The following PLEKHM3 variants were observed in gnomAD, a reference collection of about 807,000 sequenced individuals.
The protein encoded by PLEKHM3 is pleckstrin homology domain containing M3, also known as pleckstrin homology domain-containing family M member 3.
PLEKHM3 carries 45 observed loss-of-function variants against 81.8 expected under a neutral mutation model. The observed-to-expected ratio is 0.55, with a 90% CI of 0.43 to 0.71. PLEKHM3 has a LOEUF of 0.71. Ranked by LOEUF, PLEKHM3 falls within the 30% of genes least tolerant of loss-of-function variation. The pLI, the probability that PLEKHM3 is intolerant of heterozygous loss-of-function variation, is 0.00. For missense variants in PLEKHM3, 788 were observed against 924.3 expected, an observed-to-expected ratio of 0.85 and a Z score of 1.91; for synonymous variants, 352 against 356.4, an observed-to-expected ratio of 0.99 and a Z score of 0.14.
At chr2:207,848,464 T>G (rs1574332662) in intron 7 of PLEKHM3, among the ~76,000 whole-genome samples, 3 of 152,310 alleles carry the variant, frequency 2.0e-5, no homozygotes, top group Admixed American at 1.3e-4. Flanking sequence ...GGGGCAAATC[T>G]AAGGGCAACA....
intron 3 of PLEKHM3, among the ~76,000 whole-genome samples, chr2:207,950,520 G>C (rs1690293949): frequency 2.0e-5 from 3 of 152,152 alleles, no homozygotes; most frequent in Non-Finnish European, 4.4e-5. Flanking sequence ...TGACTCTGTA[G>C]ATCTTGGGTA....
At chr2:207,895,975 G>T (rs143270954) in intron 6 of PLEKHM3, among the ~76,000 whole-genome samples, 1 of 152,186 alleles carries the variant, frequency 6.6e-6, no homozygotes, top group African/African-American at 2.4e-5. Context: ...CCAGCCATTT[G>T]TCAGTTAGAA....
At chr2:208,004,090 T>A (rs978360720) in intron 1 of PLEKHM3, among the ~76,000 whole-genome samples, 2 of 152,178 alleles carry the variant, frequency 1.3e-5, no homozygotes, top group African/African-American at 4.8e-5. Context: ...ATATTATTTT[T>A]TATGCTTCTG....
chr2:207,935,662 T>C (rs577627162), intron 4 of PLEKHM3, among the ~76,000 whole-genome samples: 3 of 152,338 alleles, frequency 2.0e-5, no homozygotes, highest in South Asian at 4.1e-4. Context: ...AGTAACTTAT[T>C]TGTGGTCATG....
chr2:207,858,987 C>T (rs1192636011), intron 7 of PLEKHM3, among the ~76,000 whole-genome samples: 1 of 152,064 alleles, frequency 6.6e-6, no homozygotes, highest in Non-Finnish European at 1.5e-5. Flanking sequence ...TAGACAACCG[C>T]TAATCTATTC....
intron 1 of PLEKHM3, among the ~76,000 whole-genome samples, chr2:208,022,375 G>A (rs1036331367): frequency 6.6e-6 from 1 of 152,164 alleles, no homozygotes; most frequent in African/African-American, 2.4e-5. Flanking sequence ...AAGACTGGAT[G>A]GGCTTGGCTG....
intron 7 of PLEKHM3, chr2:207,852,817 T>C (rs1427592030): frequency 2.3e-6 from 1 of 437,718 alleles, no homozygotes; most frequent in Non-Finnish European, 4.5e-6. Flanking sequence ...GTAATAAATC[T>C]GCATATGGGT....
chr2:207,946,265 C>T, intron 4 of PLEKHM3, 102 bp downstream of exon 4: 1 of 1,356,592 alleles, frequency 7.4e-7, no homozygotes, highest in South Asian at 1.4e-5. Flanking sequence ...ACTACCTAAT[C>T]ATATCTGCTT....
intron 5 of PLEKHM3, among the ~76,000 whole-genome samples, chr2:207,911,210 G>T (rs76052205): frequency 6.6e-6 from 1 of 152,050 alleles, no homozygotes; most frequent in Non-Finnish European, 1.5e-5. Context: ...CCAGATGAGG[G>T]TTGTTTGTTT....
intron 1 of PLEKHM3, among the ~76,000 whole-genome samples, chr2:208,009,874 G>T (rs1015161483): frequency 6.6e-6 from 1 of 152,144 alleles, no homozygotes; most frequent in Admixed American, 6.5e-5. Flanking sequence ...AGTAAAATTT[G>T]ACATACTTTC....
intron 1 of PLEKHM3, among the ~76,000 whole-genome samples, chr2:208,003,270 A>G (rs1692374975): frequency 6.6e-6 from 1 of 152,204 alleles, no homozygotes; most frequent in South Asian, 2.1e-4. Context: ...GTCCAATAAA[A>G]CACTTTCTTT....
chr2:207,831,287 CCGGGGACG>C (rs1421573612), intron 7 of PLEKHM3, among the ~76,000 whole-genome samples: 1 of 152,206 alleles, frequency 6.6e-6, no homozygotes, highest in African/African-American at 2.4e-5. Context: ...GGATTGCCTA[CCGGGGACG>C]CAGTGAGTTG....
At chr2:207,957,311 C>T (rs988525330) in intron 3 of PLEKHM3, among the ~76,000 whole-genome samples, 2 of 152,132 alleles carry the variant, frequency 1.3e-5, no homozygotes, top group African/African-American at 4.8e-5. Context: ...ATTTGATATA[C>T]TTGATATCAA....
At chr2:207,880,770 A>AAAAAAAAAAAAAAC (rs1283375153) in intron 6 of PLEKHM3, among the ~76,000 whole-genome samples, 1 of 127,096 alleles carries the variant, frequency 7.9e-6, no homozygotes, top group African/African-American at 3.3e-5. Flanking sequence ...CTCAAAAAAA[A>AAAAAAAAAAAAAAC]AAAAAAAAAA....
chr2:207,828,730 G>A (rs139020393), intron 7 of PLEKHM3, among the ~76,000 whole-genome samples: 1 of 152,098 alleles, frequency 6.6e-6, no homozygotes, highest in East Asian at 1.9e-4. Flanking sequence ...GCTTATGAGT[G>A]GGGGGGAGTC....
At chr2:207,961,299 G>C (rs1690723573) in intron 3 of PLEKHM3, among the ~76,000 whole-genome samples, 1 of 152,214 alleles carries the variant, frequency 6.6e-6, no homozygotes, top group Non-Finnish European at 1.5e-5. Context: ...AGAGGTACAA[G>C]TCTGCTGATT....
In PLEKHM3 at chr2:207,934,925, C is replaced by T. The variant is rs78926122; in HGVS notation, c.1693-3806G>A. 7.1e-3 allele frequency among the ~76,000 whole-genome samples: 1,079 copies of T among 152,220 alleles called. 3 individuals are homozygous for T. Among genetic ancestry groups the T allele is most frequent in the Non-Finnish European group, 0.012 (844 of 68,010 alleles). On this transcript the variant is annotated intron_variant, in intron 4 of 7. Coordinates refer to ENST00000427836, the MANE Select transcript of PLEKHM3 (RefSeq NM_001080475.3). ...AGGGAGAGTGTTCTGGTATGCTCCC[C>T]CACAAAAATAGCCCCTGGTGATAAC... is the stretch of plus-strand genomic sequence containing the variant.
chr2:207,951,066 T>A (rs978448972), intron 3 of PLEKHM3, among the ~76,000 whole-genome samples: 3 of 152,214 alleles, frequency 2.0e-5, no homozygotes, highest in Admixed American at 6.5e-5. Context: ...TTCAATTAAC[T>A]GCAAGATTTC....
chr2:207,865,781 CAAAAA>C (rs71412445), intron 6 of PLEKHM3, among the ~76,000 whole-genome samples: 173 of 3,764 alleles, frequency 0.046, 7 homozygotes, highest in African/African-American at 0.12. Flanking sequence ...AACTCCGACT[CAAAAA>C]AAAAAAAAAA....
Sources: gnomAD v4.1 joint callset for allele counts (sites outside exome capture counted in the v4.1 genomes callset) on GRCh38, gnomAD v4.1.1 for gene constraint, MANE v1.5 for transcripts, NCBI Gene and HGNC (gene_info 2026-07-23, HGNC 2026-07-21) for gene names.